The following CDKAL1 variants were observed in gnomAD, a reference collection of about 807,000 sequenced individuals.
CDKAL1 encodes the protein CDKAL1 threonylcarbamoyladenosine tRNA methylthiotransferase.
Under a neutral mutation model 68.2 loss-of-function variants are expected in CDKAL1, and 32 were observed. The ratio of observed to expected loss-of-function variants is 0.47; its 90% confidence interval spans 0.35 to 0.63. The LOEUF (loss-of-function observed/expected upper bound fraction) is 0.63, where lower values mean the gene tolerates loss of function less well. CDKAL1 is among the 30% of genes least tolerant of loss of function. The probability of loss-of-function intolerance (pLI) is 0.00; values close to 1 mark genes in which losing one functional copy is unlikely to be tolerated. For synonymous variants in CDKAL1, 234 were observed against 244.3 expected, an observed-to-expected ratio of 0.96 and a Z score of 0.39; for missense variants, 606 against 696.7, an observed-to-expected ratio of 0.87 and a Z score of 1.47.
rs189313671 is a variant in CDKAL1, at chr6:21,081,430, C to A, written c.1236+16202C>A. ...AACTGCAAGGATCTATATAATAATT[C>A]TTTTATGCCTTTTATATGAACTTGA... On this transcript the variant is annotated intron_variant, in intron 12 of 15. Coordinates refer to ENST00000274695, the MANE Select transcript of CDKAL1 (RefSeq NM_017774.3). Among the ~76,000 whole-genome samples, 836 of 152,036 alleles carry A rather than the reference C, an allele frequency of 5.5e-3. 5 individuals are homozygous for A. Among genetic ancestry groups the A allele is most frequent in the Non-Finnish European group, 8.2e-3 (555 of 67,966 alleles).
At chr6:20,923,672 A>G (rs1763058213) in intron 9 of CDKAL1, among the ~76,000 whole-genome samples, 1 of 152,132 alleles carries the variant, frequency 6.6e-6, no homozygotes, top group African/African-American at 2.4e-5. Flanking sequence ...AAAGGCCTCT[A>G]AGTGTTCAAG....
intron 2 of CDKAL1, among the ~76,000 whole-genome samples, chr6:20,543,732 A>ATTTTTTTTTTTTTTTTT (rs758586145): frequency 2.0e-5 from 2 of 102,418 alleles, no homozygotes; most frequent in Admixed American, 1.1e-4. Context: ...TATGTTTTAC[A>ATTTTTTTTTTTTTTTTT]TTTTTTTTTT....
At chr6:20,936,539 C>T (rs1486562556) in intron 9 of CDKAL1, among the ~76,000 whole-genome samples, 2 of 151,244 alleles carry the variant, frequency 1.3e-5, no homozygotes, top group African/African-American at 2.4e-5. Context: ...CGTGAGCCAC[C>T]GCGCCCGGCC....
intron 4 of CDKAL1, among the ~76,000 whole-genome samples, chr6:20,572,176 C>T (rs527817648): frequency 1.3e-5 from 2 of 152,012 alleles, no homozygotes; most frequent in Non-Finnish European, 2.9e-5. Flanking sequence ...CCCAAGATAC[C>T]CATGAAAGCA....
chr6:20,932,566 T>A (rs1008947010), intron 9 of CDKAL1, among the ~76,000 whole-genome samples: 1 of 152,126 alleles, frequency 6.6e-6, no homozygotes, highest in Admixed American at 6.5e-5. Flanking sequence ...CTCCTTAGAT[T>A]TCTGTTAATT....
intron 13 of CDKAL1, among the ~76,000 whole-genome samples, chr6:21,129,884 A>T (rs1775212283): frequency 6.6e-6 from 1 of 152,152 alleles, no homozygotes; most frequent in Admixed American, 6.5e-5. Flanking sequence ...TCAGGAATTT[A>T]TAAGGATCAG....
intron 9 of CDKAL1, among the ~76,000 whole-genome samples, chr6:20,859,853 A>G (rs1184743978): frequency 6.6e-6 from 1 of 152,158 alleles, no homozygotes; most frequent in Non-Finnish European, 1.5e-5. Context: ...CTAACTTGCT[A>G]GCATCCAACT....
intron 4 of CDKAL1, among the ~76,000 whole-genome samples, chr6:20,606,337 A>G (rs1026202280): frequency 6.6e-6 from 1 of 152,298 alleles, no homozygotes; most frequent in Admixed American, 6.5e-5. Flanking sequence ...TCACAGCAAG[A>G]TACTTTGTTT....
At chr6:21,183,325 G>A (rs1353001269) in intron 13 of CDKAL1, among the ~76,000 whole-genome samples, 1 of 152,178 alleles carries the variant, frequency 6.6e-6, no homozygotes. Context: ...TTTTCAGACA[G>A]GGTTCCTCCA....
intron 13 of CDKAL1, among the ~76,000 whole-genome samples, chr6:21,177,294 C>T: frequency 6.6e-6 from 1 of 152,074 alleles, no homozygotes; most frequent in East Asian, 1.9e-4. Flanking sequence ...GGCTCATTTC[C>T]ATTTTTATAT....
intron 11 of CDKAL1, among the ~76,000 whole-genome samples, chr6:21,061,826 C>T (rs1333867637): frequency 6.6e-6 from 1 of 152,156 alleles, no homozygotes; most frequent in Non-Finnish European, 1.5e-5. Context: ...GCAGTCTCTA[C>T]TTAAAAAACA....
intron 7 of CDKAL1, among the ~76,000 whole-genome samples, chr6:20,769,986 G>T (rs1774869386): frequency 6.6e-6 from 1 of 152,060 alleles, no homozygotes; most frequent in Non-Finnish European, 1.5e-5. Flanking sequence ...GATACCTGTT[G>T]TTTAAGATCA....
At chr6:21,158,445 G>A (rs1253233655) in intron 13 of CDKAL1, among the ~76,000 whole-genome samples, 1 of 152,186 alleles carries the variant, frequency 6.6e-6, no homozygotes, top group Non-Finnish European at 1.5e-5. Context: ...GATCTGATAT[G>A]CTGCTCCTGC....
At chr6:20,825,266 A>G (rs1777456143) in intron 8 of CDKAL1, among the ~76,000 whole-genome samples, 1 of 151,884 alleles carries the variant, frequency 6.6e-6, no homozygotes, top group Non-Finnish European at 1.5e-5. Flanking sequence ...TATATTTTAT[A>G]TGCTCTATAA....
intron 13 of CDKAL1, among the ~76,000 whole-genome samples, chr6:21,194,277 A>T (rs1224209628): frequency 6.6e-6 from 1 of 152,138 alleles, no homozygotes; most frequent in African/African-American, 2.4e-5. Flanking sequence ...ATGGTTTTCA[A>T]CCTCTTCCTT....
chr6:21,054,301 C>G (rs1770708476), intron 11 of CDKAL1, among the ~76,000 whole-genome samples: 1 of 152,148 alleles, frequency 6.6e-6, no homozygotes, highest in East Asian at 1.9e-4. Context: ...TTTGGACTCT[C>G]TATTTTTCCA....
chr6:21,136,245 A>T (rs1004091469), intron 13 of CDKAL1, among the ~76,000 whole-genome samples: 2 of 152,222 alleles, frequency 1.3e-5, no homozygotes, highest in Non-Finnish European at 2.9e-5. Context: ...TGTTTGTAAT[A>T]GGACTCAATA....
intron 8 of CDKAL1, among the ~76,000 whole-genome samples, chr6:20,833,903 A>G (rs1777823723): frequency 6.6e-6 from 1 of 152,140 alleles, no homozygotes; most frequent in Non-Finnish European, 1.5e-5. Flanking sequence ...GGTTCTCGGC[A>G]TGGTCCGGAG....
chr6:20,650,265 G>A (rs1004068052), intron 5 of CDKAL1, among the ~76,000 whole-genome samples: 8 of 152,244 alleles, frequency 5.3e-5, no homozygotes, highest in South Asian at 4.1e-4. Flanking sequence ...TCTGACTGGC[G>A]TGAAATGGTA....
Sources: allele counts gnomAD v4.1 joint callset (sites outside exome capture counted in the v4.1 genomes callset), GRCh38; gene constraint gnomAD v4.1.1; transcripts MANE v1.5; gene names NCBI Gene and HGNC (gene_info 2026-07-23, HGNC 2026-07-21).